Variants in CCSER1 observed in about 807,000 individuals in gnomAD.
The protein encoded by CCSER1 is coiled-coil serine rich protein 1, also known as serine-rich coiled-coil domain-containing protein 1.
Under a neutral mutation model 82.0 loss-of-function variants are expected in CCSER1, and 41 were observed. The ratio of observed to expected loss-of-function variants is 0.50; its 90% confidence interval spans 0.39 to 0.65. CCSER1 has a LOEUF of 0.65. Among genes scored for constraint, CCSER1 ranks in the 30% least tolerant of loss-of-function variants. CCSER1 has a pLI of 0.00. For synonymous variants in CCSER1, 414 were observed against 383.9 expected (o/e 1.08, Z -0.92); for missense variants, 1,119 against 1,064.2 (o/e 1.05, Z -0.72).
intron 10 of CCSER1, among the ~76,000 whole-genome samples, chr4:91,446,766 G>A (rs1922235): frequency 0.81 from 121,720 of 149,358 alleles, 49,927 homozygotes; most frequent in East Asian, 0.92. Flanking sequence ...TGACAATACA[G>A]TTTTATGATG....
intron 9 of CCSER1, among the ~76,000 whole-genome samples, chr4:91,005,121 T>G (rs1330796595): frequency 6.6e-6 from 1 of 152,188 alleles, no homozygotes; most frequent in Admixed American, 6.5e-5. Flanking sequence ...GGAAATAACA[T>G]TTCTTGTCCA....
At chr4:91,137,264 T>G (rs1169310773) in intron 10 of CCSER1, among the ~76,000 whole-genome samples, 4 of 103,610 alleles carry the variant, frequency 3.9e-5, no homozygotes, top group Non-Finnish European at 6.3e-5. Context: ...ATGCGGTGTT[T>G]GGTTTTTTGT....
intron 10 of CCSER1, among the ~76,000 whole-genome samples, chr4:91,368,175 G>A (rs1749775826): frequency 1.3e-5 from 2 of 151,992 alleles, no homozygotes; most frequent in Admixed American, 1.3e-4. Flanking sequence ...GATGTCAGAA[G>A]AGATAACTAA....
chr4:90,578,797 A>G (rs996146726), intron 5 of CCSER1, among the ~76,000 whole-genome samples: 5 of 152,188 alleles, frequency 3.3e-5, no homozygotes, highest in Non-Finnish European at 5.9e-5. Flanking sequence ...CTATCAATAA[A>G]TGGATACTTG....
chr4:91,083,705 A>C (rs1723060852), intron 9 of CCSER1, among the ~76,000 whole-genome samples: 1 of 151,950 alleles, frequency 6.6e-6, no homozygotes, highest in African/African-American at 2.4e-5. Flanking sequence ...GAAAACTAAG[A>C]TAGCTGAAAT....
chr4:90,819,400 A>T (rs1477731028), intron 8 of CCSER1, among the ~76,000 whole-genome samples: 2 of 152,152 alleles, frequency 1.3e-5, no homozygotes, highest in African/African-American at 4.8e-5. Flanking sequence ...ACTGTTTAAT[A>T]TTAGCAAGTT....
intron 10 of CCSER1, among the ~76,000 whole-genome samples, chr4:91,166,987 A>T (rs1299944159): frequency 6.6e-6 from 1 of 152,100 alleles, no homozygotes; most frequent in Non-Finnish European, 1.5e-5. Context: ...ACAGATAATA[A>T]AATAGTGTTA....
At chr4:90,643,406 A>G (rs147125696) in intron 6 of CCSER1, among the ~76,000 whole-genome samples, 111 of 152,294 alleles carry the variant, frequency 7.3e-4, no homozygotes, top group Non-Finnish European at 1.2e-3. Flanking sequence ...CATGGGAGGC[A>G]TTGGGTCCGT....
intron 9 of CCSER1, among the ~76,000 whole-genome samples, chr4:90,975,086 T>C (rs929324370): frequency 2.6e-5 from 4 of 151,450 alleles, no homozygotes; most frequent in Non-Finnish European, 5.9e-5. Context: ...TTGGAAAATA[T>C]ATGTTTAGTA....
At chr4:90,620,959 G>A (rs774262196) in intron 5 of CCSER1, among the ~76,000 whole-genome samples, 11 of 152,008 alleles carry the variant, frequency 7.2e-5, no homozygotes, top group African/African-American at 1.2e-4. Flanking sequence ...CATTATGGTC[G>A]TGCATCAACA....
Position 91,136,030 on chromosome 4 carries a change from T to C in CCSER1, c.2217+50036T>C, listed in dbSNP as rs114429120. On this transcript the variant is annotated intron_variant, in intron 10 of 10. Coordinates refer to ENST00000509176, the MANE Select transcript of CCSER1 (RefSeq NM_001145065.2). Reference sequence around the variant, plus strand: ...ACCTGTATTTATTGACGTACAAAAGTATGTGGTGTTATACTGGTCACAGTA... The same window carrying C: ...ACCTGTATTTATTGACGTACAAAAGCATGTGGTGTTATACTGGTCACAGTA... 2.7e-3 allele frequency among the ~76,000 whole-genome samples: 415 copies of C among 152,304 alleles called. 3 individuals are homozygous for C. Among genetic ancestry groups the C allele is most frequent in the Admixed American group, 6.2e-3 (95 of 15,296 alleles).
intron 10 of CCSER1, among the ~76,000 whole-genome samples, chr4:91,246,089 T>G (rs1256137347): frequency 6.6e-6 from 1 of 152,220 alleles, no homozygotes; most frequent in Non-Finnish European, 1.5e-5. Context: ...ACCAGTGGTG[T>G]GTAGGCTATT....
Position 90,367,094 on chromosome 4 carries a change from CAAAG to C in CCSER1, c.1510-32940_1510-32937del, listed in dbSNP as rs534733330. Among the ~76,000 whole-genome samples the C allele has an allele frequency of 8.2e-4, 125 of 151,546 alleles. 3 individuals carry two copies. Among genetic ancestry groups the C allele is most frequent in the Non-Finnish European group, 1.4e-3 (98 of 67,756 alleles). On this transcript the variant is annotated intron_variant, in intron 3 of 10. Transcript: ENST00000509176. ...AGAGAATTGTCAGCATTAATAAAAC[CAAAG>C]AGAGATATAAAATGAAGAATTGTGA...
At chr4:91,372,331 C>T (rs1358554) in intron 10 of CCSER1, among the ~76,000 whole-genome samples, 107,508 of 151,910 alleles carry the variant, frequency 0.71, 38,155 homozygotes, top group East Asian at 0.86. Flanking sequence ...AATCTCATTC[C>T]ACTGTATGTC....
At chr4:90,849,878 A>G (rs1265966488) in intron 8 of CCSER1, among the ~76,000 whole-genome samples, 1 of 152,084 alleles carries the variant, frequency 6.6e-6, no homozygotes, top group East Asian at 1.9e-4. Context: ...GTGAATGTTA[A>G]TCACCAAGAC....
intron 10 of CCSER1, among the ~76,000 whole-genome samples, chr4:91,518,006 G>A (rs911401120): frequency 6.6e-6 from 1 of 152,158 alleles, no homozygotes; most frequent in Non-Finnish European, 1.5e-5. Flanking sequence ...CCTCAGTCAT[G>A]TAGCTCCTCT....
chr4:91,032,434 A>G (rs1741065069), intron 9 of CCSER1, among the ~76,000 whole-genome samples: 1 of 152,238 alleles, frequency 6.6e-6, no homozygotes, highest in African/African-American at 2.4e-5. Flanking sequence ...AACGATGTAC[A>G]TCACAGTGTT....
intron 8 of CCSER1, among the ~76,000 whole-genome samples, chr4:90,910,088 A>C (rs72665419): frequency 4.1e-3 from 618 of 152,302 alleles, no homozygotes; most frequent in Middle Eastern, 0.014. Flanking sequence ...CCTTCTTCAC[A>C]TGGTGGCAGG....
rs58587648 is a variant in CCSER1 at position 90,501,414 on chromosome 4, A to G, written c.1724+33060A>G. Reference sequence around the variant, plus strand: ...TGATAAACACTGCCATTTTTGGAGGATTATGTTTTAGCAAGTAAATTGTGT... The same window carrying G: ...TGATAAACACTGCCATTTTTGGAGGGTTATGTTTTAGCAAGTAAATTGTGT... On this transcript the variant is annotated intron_variant, in intron 5 of 10. Transcript: ENST00000509176. Among the ~76,000 whole-genome samples the G allele has an allele frequency of 1.4e-3, 219 of 152,166 alleles. 2 individuals carry two copies. In the East Asian group the frequency reaches 0.015, roughly 11 times the overall value.
Sources: allele counts gnomAD v4.1 joint callset (sites outside exome capture counted in the v4.1 genomes callset), GRCh38; gene constraint gnomAD v4.1.1; transcripts MANE v1.5; gene names NCBI Gene and HGNC (gene_info 2026-07-23, HGNC 2026-07-21).